KCNN3: variants seen among roughly 807,000 people sequenced by gnomAD.
KCNN3 encodes the protein potassium calcium-activated channel subfamily N member 3, also known as small conductance calcium-activated potassium channel protein 3.
A neutral mutation model predicts 62.9 loss-of-function variants in KCNN3; 16 were observed. That is an observed-to-expected ratio of 0.25 (90% CI 0.17 to 0.39). The LOEUF (loss-of-function observed/expected upper bound fraction) is 0.39, where lower values mean the gene tolerates loss of function less well. KCNN3 is among the 10% of genes least tolerant of loss of function. KCNN3 has a pLI of 1.00. For missense variants in KCNN3, 599 were observed against 949.4 expected (o/e 0.63, Z 4.85); for synonymous variants, 370 against 389.2 (o/e 0.95, Z 0.58).
rs1653115587 is a variant in KCNN3 at position 154,869,872 on chromosome 1, C to T, written c.93G>A (p.Gln31=). ...GCTGCTGTTGCTGCTGCTGCTGCTG[C>T]TGCTGCTCATCCCCAGAGGATGGAC... ...CPCPSSGDEQ[Q]QQQQQQQQQQ... The change falls in exon 1 of 8, where the codon CAG becomes CAA. Residue 31 remains glutamine (Q), a synonymous_variant. Transcript: ENST00000271915. This position sits in a 1 kb window ranked among gnomAD's most constrained non-coding sequence, Gnocchi z 6.1. 1 of 1,598,832 alleles carries T rather than the reference C, an allele frequency of 6.3e-7. No individual in the cohort carries two copies.
In KCNN3 at chr1:154,843,305, G is replaced by A. The variant is rs573220673; in HGVS notation, c.934-21121C>T. ...CAGAACAAGAAGCTGCCCCATCCAG[G>A]TTCTAGACAAAAAAGCCAGCTGCCT... On this transcript the variant is annotated intron_variant, in intron 1 of 7. Transcript: ENST00000271915. 2.0e-4 allele frequency among the ~76,000 whole-genome samples: 30 copies of A among 152,066 alleles called. No homozygotes were observed. In the Middle Eastern group the frequency reaches 0.014, roughly 69 times the overall value.
At chr1:154,743,815 A>G (rs1700879720) in intron 3 of KCNN3, among the ~76,000 whole-genome samples, 1 of 152,160 alleles carries the variant, frequency 6.6e-6, no homozygotes, top group Non-Finnish European at 1.5e-5. Context: ...AGGCTGGGCT[A>G]AGCTATGATG....
At chr1:154,859,249 G>A (rs553516246) in intron 1 of KCNN3, among the ~76,000 whole-genome samples, 3 of 152,220 alleles carry the variant, frequency 2.0e-5, no homozygotes, top group Non-Finnish European at 4.4e-5. Context: ...ACTCCAATTC[G>A]TTAAAATCAG....
intron 1 of KCNN3, among the ~76,000 whole-genome samples, chr1:154,830,860 T>C (rs1651352780): frequency 6.6e-6 from 1 of 152,130 alleles, no homozygotes; most frequent in Non-Finnish European, 1.5e-5. Context: ...CAGAAAAAGG[T>C]CATTTAGGAG....
At chr1:154,729,896 A>T (rs1455883597) in intron 4 of KCNN3, among the ~76,000 whole-genome samples, 1 of 152,190 alleles carries the variant, frequency 6.6e-6, no homozygotes, top group East Asian at 1.9e-4. Context: ...GCCATTGGGG[A>T]AAAGCTCAGC....
intron 2 of KCNN3, among the ~76,000 whole-genome samples, chr1:154,821,588 T>C (rs1254795900): frequency 2.0e-5 from 3 of 152,100 alleles, no homozygotes; most frequent in African/African-American, 7.2e-5. Flanking sequence ...GTCTAGAAAA[T>C]GACACCCCCA....
intron 3 of KCNN3, among the ~76,000 whole-genome samples, chr1:154,743,702 A>T (rs1700876417): frequency 6.6e-6 from 1 of 152,238 alleles, no homozygotes; most frequent in Non-Finnish European, 1.5e-5. Context: ...GCAGTTAACC[A>T]GGTGATCATG....
chr1:154,759,018 G>T (rs961047555), intron 3 of KCNN3, among the ~76,000 whole-genome samples: 1 of 152,174 alleles, frequency 6.6e-6, no homozygotes, highest in African/African-American at 2.4e-5. Context: ...ATGTTGGCCA[G>T]GGTGGTATGG....
At position 154,809,911 on chromosome 1, in the gene KCNN3, T is replaced by C. The variant is rs1375554751; in HGVS notation, c.1029+12178A>G. Among the ~76,000 whole-genome samples, 1 of 152,150 alleles carries C rather than the reference T, an allele frequency of 6.6e-6. No individual in the cohort carries two copies. Among genetic ancestry groups the C allele is most frequent in the African/African-American group, 2.4e-5 (1 of 41,414 alleles). ...AGTCACTGGCTGTCTTTGGCTGCAG[T>C]AACAAAGTGAGAAAGCAGGTCGGTG... On this transcript the variant is annotated intron_variant, in intron 2 of 7. Transcript: ENST00000271915. The surrounding 1 kb of genome is among the most constrained non-coding windows in gnomAD (Gnocchi z 4.3).
rs79082381 is a variant in KCNN3, at chr1:154,732,111, T to C, written c.1590+892A>G. On this transcript the variant is annotated intron_variant, in intron 4 of 7. Transcript: ENST00000271915. ...TAACATAAATCATTGCATTTGGTCCTTGCACAAACCAATGGGGAGGGCAGG... is the reference window on the plus strand; with the variant it reads ...TAACATAAATCATTGCATTTGGTCCCTGCACAAACCAATGGGGAGGGCAGG... 8.5e-4 allele frequency among the ~76,000 whole-genome samples: 130 copies of C among 152,350 alleles called. 4 individuals carry two copies. In the East Asian group the frequency reaches 0.02, roughly 24 times the overall value.
At chr1:154,773,862 TCA>T (rs1251258715) in intron 2 of KCNN3, among the ~76,000 whole-genome samples, 1 of 152,214 alleles carries the variant, frequency 6.6e-6, no homozygotes, top group South Asian at 2.1e-4. Flanking sequence ...ATGAGTGAAC[TCA>T]CAAGGGCTGG....
intron 1 of KCNN3, among the ~76,000 whole-genome samples, chr1:154,849,817 G>A (rs1652232713): frequency 6.6e-6 from 1 of 152,206 alleles, no homozygotes; most frequent in Non-Finnish European, 1.5e-5. Flanking sequence ...GACATTGTGG[G>A]CTGGGTAATT....
chr1:154,785,290 A>G (rs983508388), intron 2 of KCNN3, among the ~76,000 whole-genome samples: 1 of 152,156 alleles, frequency 6.6e-6, no homozygotes, highest in Non-Finnish European at 1.5e-5. Context: ...GGCTTAGGGG[A>G]TATTTTTAGC....
chr1:154,826,275 C>T (rs1176250993), intron 1 of KCNN3, among the ~76,000 whole-genome samples: 1 of 152,120 alleles, frequency 6.6e-6, no homozygotes, highest in African/African-American at 2.4e-5. Context: ...GAGCTGCCTC[C>T]ATCCATGTGG....
chr1:154,813,568 AC>A (rs1484765003), intron 2 of KCNN3, among the ~76,000 whole-genome samples: 1 of 151,200 alleles, frequency 6.6e-6, no homozygotes, highest in African/African-American at 2.4e-5. Context: ...ACCCCTCCCC[AC>A]CCCGTCCTGA....
At chr1:154,734,988 A>AG (rs1700680125) in intron 3 of KCNN3, among the ~76,000 whole-genome samples, 1 of 151,870 alleles carries the variant, frequency 6.6e-6, no homozygotes, top group Non-Finnish European at 1.5e-5. Flanking sequence ...GTAGCAGGTG[A>AG]CCAGGGGGCT....
In KCNN3 at chr1:154,800,807, G is replaced by A. The variant is rs546100945; in HGVS notation, c.1029+21282C>T. Among the ~76,000 whole-genome samples, 8 of 152,310 alleles carry A rather than the reference G, an allele frequency of 5.3e-5. No homozygotes were observed. The South Asian group carries it at 1.2e-3, about 24-fold the overall frequency. On this transcript the variant is annotated intron_variant, in intron 2 of 7. Transcript: ENST00000271915. ...CGCCTGTAATCCCAGCACTTTGGGA[G>A]GCCAAGTCAGGCAGATGGCTTGAGC...
chr1:154,716,371 C>T (rs773620096), intron 5 of KCNN3, among the ~76,000 whole-genome samples: 2 of 152,226 alleles, frequency 1.3e-5, no homozygotes, highest in African/African-American at 2.4e-5. Flanking sequence ...ATAAGTAGGC[C>T]AGCCTAATAG....
At chr1:154,845,995 C>A (rs1417105256) in intron 1 of KCNN3, among the ~76,000 whole-genome samples, 2 of 152,198 alleles carry the variant, frequency 1.3e-5, no homozygotes, top group Admixed American at 6.5e-5. Flanking sequence ...AGAGGCCAGT[C>A]CCCTTTGGAA....
Sources: allele counts gnomAD v4.1 joint callset (sites outside exome capture counted in the v4.1 genomes callset), GRCh38; gene constraint gnomAD v4.1.1; non-coding constraint Gnocchi (gnomAD v3.1); transcripts MANE v1.5; gene names NCBI Gene and HGNC (gene_info 2026-07-23, HGNC 2026-07-21).